KIAA1217: variants seen among roughly 807,000 people sequenced by gnomAD.
KIAA1217 encodes the protein sickle tail protein homolog.
In KIAA1217, 88 loss-of-function variants were observed where a neutral mutation model predicts 163.9. The ratio of observed to expected loss-of-function variants is 0.54; its 90% CI spans 0.45 to 0.64. The LOEUF (loss-of-function observed/expected upper bound fraction) is 0.64. Ranked by LOEUF, KIAA1217 falls within the 30% of genes least tolerant of loss-of-function variation. KIAA1217 has a pLI of 0.00. For missense variants in KIAA1217, 2,372 were observed against 2,475.0 expected (o/e 0.96, Z 0.88); for synonymous variants, 903 against 923.1 (o/e 0.98, Z 0.39).
rs536052111 is a variant in KIAA1217, at chr10:23,871,701, C to T, written c.-320-135524C>T. Among the ~76,000 whole-genome samples the T allele has an allele frequency of 1.9e-3, 289 of 152,094 alleles. 1 individual carries two copies. The highest frequency in any genetic ancestry group is 0.014 in the Middle Eastern group (4 of 294). ...GACTTTCTAAGTATGGGGGTTTGAACGAAACATTGATTCCCACTCCTTCAG... is the reference window on the plus strand; with the variant it reads ...GACTTTCTAAGTATGGGGGTTTGAATGAAACATTGATTCCCACTCCTTCAG... On this transcript the variant is annotated intron_variant, in intron 1 of 18. Transcript: ENST00000376462.
intron 2 of KIAA1217, among the ~76,000 whole-genome samples, chr10:24,055,272 A>G (rs544589484): frequency 1.3e-5 from 2 of 152,336 alleles, no homozygotes; most frequent in South Asian, 4.1e-4. Context: ...GTCTCAAAAA[A>G]TAAAAAGAAA....
At chr10:23,892,784 T>A (rs78895158) in intron 1 of KIAA1217, among the ~76,000 whole-genome samples, 2,949 of 151,974 alleles carry the variant, frequency 0.019, 101 homozygotes, top group African/African-American at 0.065. Flanking sequence ...CAGTTAAGAA[T>A]TTTGATAGAA....
chr10:24,250,252 T>G (rs1389938371), intron 2 of KIAA1217, among the ~76,000 whole-genome samples: 1 of 152,118 alleles, frequency 6.6e-6, no homozygotes, highest in African/African-American at 2.4e-5. Context: ...CTGTACTCTC[T>G]GAACAGAGCC....
At chr10:23,747,146 C>A (rs75841529) in intron 1 of KIAA1217, among the ~76,000 whole-genome samples, 20 of 152,056 alleles carry the variant, frequency 1.3e-4, no homozygotes, top group African/African-American at 4.6e-4. Flanking sequence ...CTCAGAGGAA[C>A]GTAATCTGAT....
intron 2 of KIAA1217, among the ~76,000 whole-genome samples, chr10:24,261,171 G>T (rs2075686244): frequency 6.6e-6 from 1 of 151,560 alleles, no homozygotes; most frequent in South Asian, 2.1e-4. Context: ...TGGTTGTGTG[G>T]AATTTGGCCC....
chr10:24,447,628 G>C (rs1349252432), intron 5 of KIAA1217, among the ~76,000 whole-genome samples: 1 of 152,088 alleles, frequency 6.6e-6, no homozygotes. Flanking sequence ...TAAATACCTG[G>C]ATAGAAAAAG....
At chr10:23,875,295 G>C (rs1379562003) in intron 1 of KIAA1217, among the ~76,000 whole-genome samples, 2 of 152,010 alleles carry the variant, frequency 1.3e-5, no homozygotes, top group Non-Finnish European at 2.9e-5. Context: ...GGGAGCAAGG[G>C]ACCAGGACTC....
chr10:24,090,164 C>CTTTTTTTTTTTTTTTTTTTTTTTTTT (rs1162687231), intron 2 of KIAA1217, among the ~76,000 whole-genome samples: 1 of 109,238 alleles, frequency 9.2e-6, no homozygotes, highest in African/African-American at 3.9e-5. Flanking sequence ...TTTTCTTTTT[C>CTTTTTTTTTTTTTTTTTTTTTTTTTT]TTTTTTTTTT....
chr10:24,124,128 C>G (rs1386206252), intron 2 of KIAA1217, among the ~76,000 whole-genome samples: 1 of 152,084 alleles, frequency 6.6e-6, no homozygotes, highest in Non-Finnish European at 1.5e-5. Flanking sequence ...AAACATTTCT[C>G]CACATAATTT....
At chr10:23,961,830 C>A (rs185589824) in intron 1 of KIAA1217, among the ~76,000 whole-genome samples, 8 of 152,284 alleles carry the variant, frequency 5.3e-5, no homozygotes, top group African/African-American at 1.9e-4. Flanking sequence ...TGTGAAGGAT[C>A]TATTCCAGAC....
intron 1 of KIAA1217, among the ~76,000 whole-genome samples, chr10:23,733,723 A>G (rs775034785): frequency 6.6e-6 from 1 of 152,098 alleles, no homozygotes; most frequent in East Asian, 1.9e-4. Flanking sequence ...CCTGAATTGT[A>G]GTATATGGCA....
chr10:24,236,039 T>G (rs1474797013), intron 2 of KIAA1217, among the ~76,000 whole-genome samples: 1 of 152,214 alleles, frequency 6.6e-6, no homozygotes, highest in African/African-American at 2.4e-5. Context: ...GTAAACTTAC[T>G]GTAATTACCT....
intron 1 of KIAA1217, among the ~76,000 whole-genome samples, chr10:23,854,565 T>A (rs1372100705): frequency 2.0e-5 from 3 of 152,178 alleles, no homozygotes; most frequent in Non-Finnish European, 4.4e-5. Context: ...TTCCTGGGTA[T>A]CCTTGTTAAC....
chr10:24,527,994 A>G lies in KIAA1217; in HGVS notation c.2957A>G (p.Glu986Gly). The G allele has an allele frequency of 1.2e-6, 2 of 1,614,156 alleles. No homozygotes were observed. Among genetic ancestry groups the G allele is most frequent in the Non-Finnish European group, 1.7e-6 (2 of 1,180,014 alleles). Residue 986 changes from glutamate (E) to glycine (G), a missense_variant, in exon 14 of 21, where the codon GAG becomes GGG. By Grantham distance (98) the Glu-to-Gly change is moderately conservative. This residue lies in a region of KIAA1217 where 1,431 missense variants were observed against 1,470.3 expected (regional missense o/e 0.97). Transcript: ENST00000376454. ...RQNLDHYNGK[E>G]FEKLLEEAQA... is the part of the protein sequence containing the mutation. ...AATCTGGATCACTATAATGGGAAAG[A>G]GTTTGAGAAGCTCCTAGAAGAAGCT... is the stretch of plus-strand genomic sequence containing the variant.
At chr10:24,160,026 T>C (rs557043175) in intron 2 of KIAA1217, among the ~76,000 whole-genome samples, 2 of 152,294 alleles carry the variant, frequency 1.3e-5, no homozygotes, top group South Asian at 4.1e-4. Flanking sequence ...GTAATATTAG[T>C]GTGGGTATGT....
intron 2 of KIAA1217, among the ~76,000 whole-genome samples, chr10:24,222,059 A>C (rs758389519): frequency 2.7e-4 from 41 of 152,348 alleles, no homozygotes; most frequent in Non-Finnish European, 5.0e-4. Context: ...TGTCAAAAAT[A>C]ATGATTATTG....
chr10:23,957,015 G>T (rs1298050587), intron 1 of KIAA1217, among the ~76,000 whole-genome samples: 2 of 152,068 alleles, frequency 1.3e-5, no homozygotes, highest in Non-Finnish European at 2.9e-5. Flanking sequence ...CATGACTCGG[G>T]CCTGCACCAC....
rs946930697 is a variant in KIAA1217, at chr10:24,521,925, C to T, written c.2452C>T (p.Arg818Trp). 3.7e-6 allele frequency: 6 copies of T among 1,605,534 alleles called. No homozygotes were observed. The highest frequency in any genetic ancestry group is 3.3e-5 in the Admixed American group (2 of 59,900). The change falls in exon 12 of 21, where the codon CGG (arginine) becomes TGG (tryptophan). Residue 818 changes from arginine (R) to tryptophan (W), a missense_variant. Arg to Trp is a moderately radical substitution (Grantham distance 101). Around this residue, in one of 3 missense-constraint regions of KIAA1217, gnomAD observed 1,431 missense variants for 1,470.3 expected, o/e 0.97. Transcript: ENST00000376454. ...CATGACAGACGTCCTGACCATGCTG[C>T]GGAGGTGACCGGGCCCTCATCGTGC... ...RSMTDVLTMLRRHVTDGLLKG... is the reference protein window; with the variant it reads ...RSMTDVLTMLWRHVTDGLLKG...
chr10:24,377,186 G>T (rs1469816910), intron 2 of KIAA1217, among the ~76,000 whole-genome samples: 2 of 152,170 alleles, frequency 1.3e-5, no homozygotes, highest in Non-Finnish European at 2.9e-5. Context: ...CCCCCTTCAT[G>T]CATGACCCCA....
Sources: gnomAD v4.1 joint callset for allele counts (sites outside exome capture counted in the v4.1 genomes callset) on GRCh38, gnomAD v4.1.1 for gene constraint, gnomAD v4.1.1 regional missense constraint, MANE v1.5 for transcripts, NCBI Gene and HGNC (gene_info 2026-07-23, HGNC 2026-07-21) for gene names.